Variants in SPMIP2 observed in about 807,000 individuals in gnomAD.
SPMIP2 encodes protein SPMIP2.
chr4:158,925,614 G>A, the SPMIP2 span, among the ~76,000 whole-genome samples: 3 of 152,234 alleles, frequency 2.0e-5, no homozygotes, highest in East Asian at 1.9e-4. Flanking sequence ...CCTCACATGC[G>A]CAGTTCACAA....
the SPMIP2 span, chr4:158,973,110 T>C: frequency 1.2e-5 from 20 of 1,605,214 alleles, no homozygotes; most frequent in Non-Finnish European, 1.7e-5. Flanking sequence ...CAGTCTTGAT[T>C]TGTTGATAAA....
chr4:159,042,433 C>T, the SPMIP2 span, among the ~76,000 whole-genome samples: 1 of 152,202 alleles, frequency 6.6e-6, no homozygotes, highest in Admixed American at 6.5e-5. Flanking sequence ...CACTCAACTG[C>T]CACTAGGCTT....
the SPMIP2 span, among the ~76,000 whole-genome samples, chr4:159,053,479 T>C: frequency 1.3e-5 from 2 of 152,182 alleles, no homozygotes; most frequent in Non-Finnish European, 2.9e-5. Flanking sequence ...CCCCTAGCCA[T>C]GAACCCCACA....
the SPMIP2 span, among the ~76,000 whole-genome samples, chr4:158,940,809 A>C: frequency 1.3e-5 from 2 of 152,150 alleles, no homozygotes; most frequent in Non-Finnish European, 2.9e-5. Flanking sequence ...ATATTGATCC[A>C]TTGCAGCTAT....
the SPMIP2 span, chr4:158,904,676 T>G: frequency 1.3e-6 from 1 of 785,198 alleles, no homozygotes; most frequent in African/African-American, 1.7e-5. Flanking sequence ...CCTTTTTGTT[T>G]TGTGTTTTTG....
At chr4:158,949,504 G>C in the SPMIP2 span, among the ~76,000 whole-genome samples, 2 of 152,166 alleles carry the variant, frequency 1.3e-5, no homozygotes, top group Non-Finnish European at 1.5e-5. Context: ...TCATAGCTAA[G>C]AGGTGGTGAA....
At chr4:158,987,571 T>C in the SPMIP2 span, among the ~76,000 whole-genome samples, 2 of 152,138 alleles carry the variant, frequency 1.3e-5, no homozygotes, top group South Asian at 2.1e-4. Flanking sequence ...TAGGTGGGAA[T>C]TGAACAATGA....
At chr4:158,914,456 G>A in the SPMIP2 span, among the ~76,000 whole-genome samples, 423 of 152,322 alleles carry the variant, frequency 2.8e-3, 3 homozygotes, top group African/African-American at 9.7e-3. Flanking sequence ...GTCTTTTTAT[G>A]CGTAGGGAAC....
At chr4:158,940,255 G>C in the SPMIP2 span, among the ~76,000 whole-genome samples, 3 of 152,084 alleles carry the variant, frequency 2.0e-5, no homozygotes, top group Non-Finnish European at 4.4e-5. Context: ...ACAATTAGGA[G>C]GGATTAGGGC....
chr4:159,058,430 A>C, the SPMIP2 span, among the ~76,000 whole-genome samples: 1 of 152,144 alleles, frequency 6.6e-6, no homozygotes, highest in African/African-American at 2.4e-5. Context: ...TTATATTGTT[A>C]AGCCAGAAGT....
At chr4:158,949,212 T>C in the SPMIP2 span, among the ~76,000 whole-genome samples, 2 of 152,228 alleles carry the variant, frequency 1.3e-5, no homozygotes, top group South Asian at 2.1e-4. Flanking sequence ...GTTTCATACA[T>C]AGTATTTATT....
At chr4:159,026,185 G>A in the SPMIP2 span, 22 of 442,058 alleles carry the variant, frequency 5.0e-5, no homozygotes, top group East Asian at 2.6e-4. Context: ...TGATGAATAC[G>A]TGAAGGAACT....
chr4:158,930,455 A>G, the SPMIP2 span, among the ~76,000 whole-genome samples: 5 of 151,204 alleles, frequency 3.3e-5, no homozygotes, highest in Non-Finnish European at 2.9e-5. Context: ...GGATCCACCC[A>G]TATCAGCCTC....
the SPMIP2 span, among the ~76,000 whole-genome samples, chr4:158,923,472 C>A: frequency 6.6e-6 from 1 of 152,058 alleles, no homozygotes; most frequent in African/African-American, 2.4e-5. Flanking sequence ...TTCTAAATAT[C>A]TTATTCTTTT....
the SPMIP2 span, among the ~76,000 whole-genome samples, chr4:159,061,130 A>G: frequency 6.7e-6 from 1 of 150,336 alleles, no homozygotes; most frequent in South Asian, 2.1e-4. Context: ...TATATGTAAC[A>G]TAGCTGAATA....
At chr4:158,967,831 G>T in the SPMIP2 span, among the ~76,000 whole-genome samples, 1 of 152,198 alleles carries the variant, frequency 6.6e-6, no homozygotes, top group African/African-American at 2.4e-5. Flanking sequence ...TGTTGTATAG[G>T]AGTTTAGAAG....
At chr4:159,047,501 T>A in the SPMIP2 span, among the ~76,000 whole-genome samples, 1 of 145,848 alleles carries the variant, frequency 6.9e-6, no homozygotes, top group South Asian at 2.1e-4. Context: ...ATTGATTAAA[T>A]TTTTTTTTAT....
the SPMIP2 span, among the ~76,000 whole-genome samples, chr4:159,008,813 T>C: frequency 2.0e-5 from 3 of 152,370 alleles, no homozygotes; most frequent in African/African-American, 7.2e-5. Context: ...CTTCATTTCA[T>C]GAATTCCATT....
the SPMIP2 span, among the ~76,000 whole-genome samples, chr4:158,912,623 T>C: frequency 6.6e-6 from 1 of 152,236 alleles, no homozygotes; most frequent in Non-Finnish European, 1.5e-5. Flanking sequence ...TGGTATTCAT[T>C]ATTTGCTTTC....
Sources: gnomAD v4.1 joint callset for allele counts (sites outside exome capture counted in the v4.1 genomes callset) on GRCh38, gnomAD v4.1.1 for gene constraint, MANE v1.5 for transcripts, NCBI Gene and HGNC (gene_info 2026-07-23, HGNC 2026-07-21) for gene names.